VWA5B1: variants seen among roughly 807,000 people sequenced by gnomAD.
The protein encoded by VWA5B1 is von Willebrand factor A domain-containing protein 5B1.
VWA5B1 carries 115 observed loss-of-function variants against 118.2 expected under a neutral mutation model. The observed-to-expected ratio is 0.97, with a 90% CI of 0.84 to 1.14. VWA5B1 has a LOEUF of 1.14. Ranked by LOEUF, VWA5B1 falls within the 50% of genes most tolerant of loss-of-function variation. The pLI, the probability that VWA5B1 is intolerant of heterozygous loss-of-function variation, is 0.00. For missense variants in VWA5B1, 1,596 were observed against 1,603.8 expected, an observed-to-expected ratio of 1.00 and a Z score of 0.08; for synonymous variants, 682 against 658.4, an observed-to-expected ratio of 1.04 and a Z score of -0.55.
rs184297786 is a variant in VWA5B1, at chr1:20,314,568, G to A, written c.539G>A (p.Gly180Asp). The part of the protein sequence containing the change: ...TVPQFCTKST[G>D]TSNQQAQGKD... Reference sequence around the variant, plus strand: ...CCCCAGTTCTGCACCAAGAGCACTGGCACCTCCAACCAACAGGCCCAGGGG... The same window carrying A: ...CCCCAGTTCTGCACCAAGAGCACTGACACCTCCAACCAACAGGCCCAGGGG... The change falls in exon 4 of 22, where the codon GGC becomes GAC. Residue 180 changes from glycine (G) to aspartate (D), a missense_variant. Coordinates refer to ENST00000289815, the MANE Select transcript of VWA5B1 (RefSeq NM_001039500.3). 9.8e-5 allele frequency: 152 copies of A among 1,551,586 alleles called. 1 individual carries two copies. The Admixed American group carries it at 2.7e-3, about 28-fold the overall frequency.
In VWA5B1 at chr1:20,350,933, G is replaced by A. The variant is rs1168551434; in HGVS notation, c.3023+7G>A. On this transcript the variant is annotated splice_region_variant and intron_variant, in intron 20 of 21. Coordinates refer to ENST00000289815, the MANE Select transcript of VWA5B1 (RefSeq NM_001039500.3). ...AGAATCTCTTTGGATCCTGGTAGGT[G>A]GGATTTCCAATAAAGGTACACTCTC... is the stretch of plus-strand genomic sequence containing the variant. 4.5e-6 allele frequency: 7 copies of A among 1,551,574 alleles called. No homozygotes were observed. In the Admixed American group the frequency reaches 7.8e-5, roughly 17 times the overall value.
Position 20,314,631 on chromosome 1 carries a change from G to T in VWA5B1, c.563+39G>T, listed in dbSNP as rs2088949620. ...GCCCAGACCAATCAGAGTCCCAGGT[G>T]GGCAGCAGAGAGTGCGTCAGGTGAC... On this transcript the variant is annotated intron_variant, in intron 4 of 21. Transcript: ENST00000289815. 2.6e-6 allele frequency: 4 copies of T among 1,541,500 alleles called. No homozygotes were observed. The South Asian group carries it at 4.8e-5, about 18-fold the overall frequency.
intron 1 of VWA5B1, among the ~76,000 whole-genome samples, chr1:20,304,223 A>G (rs2088579618): frequency 6.6e-6 from 1 of 152,286 alleles, no homozygotes; most frequent in Admixed American, 6.5e-5. Flanking sequence ...CAAGGGCCCA[A>G]AGGCTATGCA....
intron 14 of VWA5B1, chr1:20,339,035 G>A (rs561465765): frequency 1.3e-5 from 2 of 152,292 alleles, no homozygotes; most frequent in African/African-American, 4.8e-5. Flanking sequence ...CCATGGACAC[G>A]ATAATTTTAT....
rs2090240796 is a variant in VWA5B1 at position 20,356,946 on chromosome 1, A to G, written c.*2683A>G. Reference sequence around the variant, plus strand: ...AAGGAAAAGATAAGAACCTTTGGTAATTAGTACATACATTGAAGCTAACAG... The same window carrying G: ...AAGGAAAAGATAAGAACCTTTGGTAGTTAGTACATACATTGAAGCTAACAG... On this transcript the variant is annotated 3_prime_UTR_variant, in exon 22 of 22. Transcript: ENST00000289815. Among the ~76,000 whole-genome samples the G allele has an allele frequency of 6.6e-6, 1 of 152,228 alleles. No individual in the cohort carries two copies. The highest frequency in any genetic ancestry group is 6.5e-5 in the Admixed American group (1 of 15,292).
In VWA5B1 at chr1:20,323,378, T is replaced by A. The variant is rs924633098; in HGVS notation, c.989T>A (p.Leu330His). ...CAGACAGAAATCATTCGAAAACGCC[T>A]CCACAAAGACATTCCCCACCACTCC... ...ERKTEIIRKR[L>H]HKDIPHHSVI... The change falls in exon 8 of 22, where the codon CTC becomes CAC. Residue 330 changes from leucine (L) to histidine (H), a missense_variant. By Grantham distance (99) the Leu-to-His change is moderately conservative. Transcript: ENST00000289815. 3 of 1,501,482 alleles carry A rather than the reference T, an allele frequency of 2.0e-6. No homozygotes were observed. Among genetic ancestry groups the A allele is most frequent in the Non-Finnish European group, 2.7e-6 (3 of 1,124,778 alleles). 93.0% of individuals were successfully genotyped at this position (1,501,482 alleles called of 1,614,324 possible).
At chr1:20,337,590 C>T in intron 13 of VWA5B1, 56 bp from the exon 14 acceptor site, 7 of 1,489,302 alleles carry the variant, frequency 4.7e-6, no homozygotes, top group Non-Finnish European at 6.3e-6. Context: ...GGATGCAAGC[C>T]CCACTCTTTC....
intron 13 of VWA5B1, 54 bp from the exon 14 acceptor site, chr1:20,337,588 GCCCC>G: frequency 6.7e-7 from 1 of 1,483,386 alleles, no homozygotes; most frequent in East Asian, 2.5e-5. Context: ...GGGGATGCAA[GCCCC>G]ACTCTTTCCC....
intron 1 of VWA5B1, among the ~76,000 whole-genome samples, chr1:20,294,038 C>T (rs1239996819): frequency 6.6e-6 from 1 of 152,188 alleles, no homozygotes; most frequent in African/African-American, 2.4e-5. Flanking sequence ...GGAATGAAAA[C>T]CATTGGATCA....
At chr1:20,328,537 G>C (rs530380542) in intron 9 of VWA5B1, among the ~76,000 whole-genome samples, 1 of 152,130 alleles carries the variant, frequency 6.6e-6, no homozygotes, top group African/African-American at 2.4e-5. Context: ...GGAAGAGAGG[G>C]AGGGAGGAAG....
intron 11 of VWA5B1, among the ~76,000 whole-genome samples, chr1:20,332,504 T>C (rs1166336022): frequency 6.9e-6 from 1 of 145,130 alleles, no homozygotes; most frequent in Non-Finnish European, 1.5e-5. Context: ...TAAAATAAAA[T>C]AAAATAAAAT....
At position 20,319,481 on chromosome 1, in the gene VWA5B1, A is replaced by T. The variant is rs1225076692; in HGVS notation, c.941A>T (p.Lys314Met). ...AGAACAGATTTCATTAAAGGGATGA[A>T]GAAGAAGAGCAGAGCAGAGCGGAAG... ...KGRTDFIKGM[K>M]KKSRAERKTE... Residue 314 changes from lysine to methionine, a missense_variant, in exon 7 of 22, where the codon AAG (lysine) becomes ATG (methionine). Coordinates refer to ENST00000289815, the MANE Select transcript of VWA5B1 (RefSeq NM_001039500.3). 6.4e-7 allele frequency: 1 copy of T among 1,551,618 alleles called. No homozygotes were observed. The highest frequency in any genetic ancestry group is 8.7e-7 in the Non-Finnish European group (1 of 1,147,008).
chr1:20,352,161 T>C lies in VWA5B1; in HGVS notation c.3130T>C (p.Tyr1044His), dbSNP rs2090143044. 1.2e-5 allele frequency: 18 copies of C among 1,551,048 alleles called. No individual in the cohort carries two copies. Among genetic ancestry groups the C allele is most frequent in the Non-Finnish European group, 1.6e-5 (18 of 1,146,816 alleles). Residue 1044 changes from tyrosine to histidine, a missense_variant, in exon 21 of 22, where the codon TAC (tyrosine) becomes CAC (histidine). Coordinates refer to ENST00000289815, the MANE Select transcript of VWA5B1 (RefSeq NM_001039500.3). ...GACCTCCGGGAACCAGAGCTTCGACTACATACCTCTGGTGAGTGCCCTGAC... is the reference window on the plus strand; with the variant it reads ...GACCTCCGGGAACCAGAGCTTCGACCACATACCTCTGGTGAGTGCCCTGAC... ...ESTSGNQSFD[Y>H]IPLVSLQLAS...
At position 20,342,435 on chromosome 1, in the gene VWA5B1, T is replaced by C. The variant is rs1309862272; in HGVS notation, c.2137T>C (p.Leu713=). The change falls in exon 15 of 22, where the codon TTG becomes CTG. Residue 713 remains leucine, a synonymous_variant. Transcript: ENST00000289815. ...CTTTCTCCTCTTCCATCCCTAGCCC[T>C]TGCTGAACAGTGGTCAGGACCTGAA... The part of the protein sequence containing the change: ...VQRWQIDLQP[L]LNSGQDLNQG... 6.4e-7 allele frequency: 1 copy of C among 1,550,734 alleles called. No individual in the cohort carries two copies.
At chr1:20,331,079 C>G in intron 11 of VWA5B1, 96 bp downstream of exon 11, 1 of 1,053,936 alleles carries the variant, frequency 9.5e-7, no homozygotes, top group Non-Finnish European at 1.4e-6. Flanking sequence ...GGGATGACAC[C>G]CCAAATCTGA....
intron 4 of VWA5B1, 98 bp downstream of exon 4, chr1:20,314,690 G>A: frequency 1.4e-6 from 2 of 1,478,530 alleles, no homozygotes; most frequent in Non-Finnish European, 1.8e-6. Flanking sequence ...GAGACAGGGA[G>A]GAGATGGGGA....
chr1:20,310,767 G>A lies in VWA5B1; in HGVS notation c.139+27G>A, dbSNP rs763341458. On this transcript the variant is annotated intron_variant, in intron 2 of 21. Transcript: ENST00000289815. Reference sequence around the variant, plus strand: ...TAAGGACACCTGCTGGGGCCTCCCCGGGACCACCCCCTCCTCCACAGTGAA... The same window carrying A: ...TAAGGACACCTGCTGGGGCCTCCCCAGGACCACCCCCTCCTCCACAGTGAA... 5.3e-5 allele frequency: 80 copies of A among 1,513,330 alleles called. No individual in the cohort carries two copies. In the East Asian group the frequency reaches 1.1e-3, roughly 21 times the overall value. 93.7% of individuals were successfully genotyped at this position (1,513,330 alleles called of 1,614,324 possible). A position where few individuals can be genotyped will look rare whatever the true frequency, so the allele number is the denominator to read the frequency against.
chr1:20,329,077 A>G (rs1311798636), intron 9 of VWA5B1, among the ~76,000 whole-genome samples: 1 of 152,144 alleles, frequency 6.6e-6, no homozygotes, highest in Non-Finnish European at 1.5e-5. Context: ...CACTACACAG[A>G]TAGATTGGGA....
At chr1:20,349,499 T>C (rs372090623) in intron 18 of VWA5B1, among the ~76,000 whole-genome samples, 3 of 152,092 alleles carry the variant, frequency 2.0e-5, no homozygotes, top group East Asian at 1.9e-4. Context: ...TTCTCCTGCC[T>C]CAGCCTCCCG....
Sources: allele counts gnomAD v4.1 joint callset (sites outside exome capture counted in the v4.1 genomes callset), GRCh38; gene constraint gnomAD v4.1.1; transcripts MANE v1.5; gene names NCBI Gene and HGNC (gene_info 2026-07-23, HGNC 2026-07-21).